EVL: variants seen among roughly 807,000 people sequenced by gnomAD.
EVL encodes Enah/Vasp-like, also known as ena/VASP-like protein.
In EVL, 21 loss-of-function variants were observed where a neutral mutation model predicts 59.6. That is an observed-to-expected ratio of 0.35 (90% CI 0.25 to 0.51). EVL has a LOEUF of 0.51. Ranked by LOEUF, EVL falls within the 20% of genes least tolerant of loss-of-function variation. EVL has a pLI of 0.97. For missense variants in EVL, 462 were observed against 546.6 expected (o/e 0.85, Z 1.54); for synonymous variants, 198 against 203.5 (o/e 0.97, Z 0.23).
At chr14:100,012,597 C>T (rs1352107569) in intron 1 of EVL, among the ~76,000 whole-genome samples, 4 of 152,178 alleles carry the variant, frequency 2.6e-5, no homozygotes, top group Non-Finnish European at 4.4e-5. Context: ...TATTAAATCT[C>T]TCTAAGTCCA....
chr14:100,074,260 T>C (rs1267117438), intron 1 of EVL, among the ~76,000 whole-genome samples: 1 of 151,638 alleles, frequency 6.6e-6, no homozygotes, highest in Non-Finnish European at 1.5e-5. Context: ...GTTAAAAGAG[T>C]AGTAGGTGAT....
At chr14:100,072,630 T>G (rs1238094417) in intron 1 of EVL, among the ~76,000 whole-genome samples, 4 of 152,206 alleles carry the variant, frequency 2.6e-5, no homozygotes, top group African/African-American at 9.7e-5. Context: ...AAATGTATGC[T>G]CAGGTCCCTA....
intron 3 of EVL, chr14:100,102,390 G>A (rs1886278656): frequency 2.2e-6 from 1 of 456,056 alleles, no homozygotes; most frequent in Non-Finnish European, 4.4e-6. Flanking sequence ...GTATGTTCCA[G>A]GCTCATGATA....
intron 1 of EVL, among the ~76,000 whole-genome samples, chr14:99,983,622 C>G (rs527895287): frequency 3.5e-4 from 53 of 152,328 alleles, no homozygotes; most frequent in African/African-American, 1.2e-3. Flanking sequence ...GCCTGCTGCT[C>G]TGCTGCTTTT....
intron 1 of EVL, among the ~76,000 whole-genome samples, chr14:100,034,342 A>T (rs1237012757): frequency 6.6e-6 from 1 of 152,142 alleles, no homozygotes; most frequent in African/African-American, 2.4e-5. Flanking sequence ...GGGAAGGGGA[A>T]TGTTGATTTT....
At chr14:100,083,446 TAAAA>T (rs34098353) in intron 1 of EVL, among the ~76,000 whole-genome samples, 1 of 145,484 alleles carries the variant, frequency 6.9e-6, no homozygotes, top group Admixed American at 6.8e-5. Context: ...ATTCCCTCTT[TAAAA>T]AAAAAAAAGA....
At chr14:99,975,948 C>T (rs1179653285) in intron 1 of EVL, among the ~76,000 whole-genome samples, 1 of 152,152 alleles carries the variant, frequency 6.6e-6, no homozygotes, top group Non-Finnish European at 1.5e-5. Context: ...CATCACCCCT[C>T]CTCTGCTGTA....
At chr14:100,067,227 G>A (rs1489990989) in intron 1 of EVL, among the ~76,000 whole-genome samples, 3 of 152,230 alleles carry the variant, frequency 2.0e-5, no homozygotes, top group African/African-American at 7.2e-5. Context: ...CATAGGAGCT[G>A]TGAACTTTTC....
chr14:100,009,324 A>G (rs754921205), intron 1 of EVL, among the ~76,000 whole-genome samples: 3 of 152,166 alleles, frequency 2.0e-5, no homozygotes, highest in Admixed American at 1.3e-4. Context: ...TGATCTCCCT[A>G]CCTTCAAAAT....
At chr14:100,071,613 A>G (rs187619210) in intron 1 of EVL, among the ~76,000 whole-genome samples, 2 of 152,342 alleles carry the variant, frequency 1.3e-5, no homozygotes, top group Non-Finnish European at 2.9e-5. Flanking sequence ...GGCATCCTCA[A>G]TAATTGAGTG....
chr14:100,034,973 A>C (rs79287591), intron 1 of EVL, among the ~76,000 whole-genome samples: 3,541 of 152,340 alleles, frequency 0.023, 140 homozygotes, highest in African/African-American at 0.081. Context: ...GTTGTTTACC[A>C]AGTTTATTTC....
intron 1 of EVL, among the ~76,000 whole-genome samples, chr14:100,051,625 A>G (rs181280877): frequency 3.7e-4 from 57 of 152,164 alleles, no homozygotes; most frequent in Non-Finnish European, 2.2e-4. Context: ...CTTGTTTTTT[A>G]TTCAATCTAA....
chr14:100,083,768 T>C (rs2062368076), intron 1 of EVL, among the ~76,000 whole-genome samples: 1 of 152,228 alleles, frequency 6.6e-6, no homozygotes, highest in South Asian at 2.1e-4. Context: ...AAATACTTCA[T>C]TGCCTACATA....
At chr14:99,971,425 C>T (rs1291268050), upstream of EVL, 2 of 151,848 alleles carry the variant, frequency 1.3e-5, no homozygotes, top group African/African-American at 2.4e-5. Flanking sequence ...CAGCCTCAAG[C>T]TCAGCGCTCC....
At chr14:100,032,575 C>T (rs1307559272) in intron 1 of EVL, among the ~76,000 whole-genome samples, 2 of 152,132 alleles carry the variant, frequency 1.3e-5, no homozygotes, top group African/African-American at 4.8e-5. Flanking sequence ...GGTCTGGCTG[C>T]GGTCTCTTGA....
At chr14:100,021,551 G>A (rs2061124957) in intron 1 of EVL, among the ~76,000 whole-genome samples, 1 of 152,214 alleles carries the variant, frequency 6.6e-6, no homozygotes, top group Non-Finnish European at 1.5e-5. Context: ...GACTCTAGAG[G>A]TACCTGGCTT....
chr14:99,988,102 G>C (rs959604604), intron 1 of EVL, among the ~76,000 whole-genome samples: 4 of 151,844 alleles, frequency 2.6e-5, no homozygotes, highest in Non-Finnish European at 5.9e-5. Flanking sequence ...TTTTAGTAGA[G>C]ATGGGGTTTC....
intron 1 of EVL, chr14:100,066,525 T>C (rs1320043595): frequency 6.6e-6 from 1 of 152,240 alleles, no homozygotes; most frequent in Non-Finnish European, 1.5e-5. Context: ...AGGTAGAACT[T>C]GTCCAGGGCT....
At chr14:99,993,692 T>C (rs1017387919) in intron 1 of EVL, among the ~76,000 whole-genome samples, 3 of 136,090 alleles carry the variant, frequency 2.2e-5, no homozygotes, top group Admixed American at 7.1e-5. Context: ...TTTCTTTTTT[T>C]TTTTTTTTTT....
Sources: gnomAD v4.1 joint callset for allele counts (sites outside exome capture counted in the v4.1 genomes callset) on GRCh38, gnomAD v4.1.1 for gene constraint, MANE v1.5 for transcripts, NCBI Gene and HGNC (gene_info 2026-07-23, HGNC 2026-07-21) for gene names.